The following RCC1 variants were observed in gnomAD, a reference collection of about 807,000 sequenced individuals.
RCC1 encodes the protein regulator of chromosome condensation 1, also known as regulator of chromosome condensation.
Under a neutral mutation model 44.4 loss-of-function variants are expected in RCC1, and 11 were observed. That is an observed-to-expected ratio of 0.25 (90% confidence interval 0.16 to 0.41). The LOEUF is 0.41. RCC1 is among the 10% of genes least tolerant of loss of function. The pLI is 1.00. For missense variants in RCC1, 386 were observed against 547.1 expected, an observed-to-expected ratio of 0.71 and a Z score of 2.94; for synonymous variants, 213 against 216.5, an observed-to-expected ratio of 0.98 and a Z score of 0.14.
At chr1:28,506,117 G>A (rs760722803) in intron 1 of RCC1, 33 bp downstream of exon 1, 3 of 455,036 alleles carry the variant, frequency 6.6e-6, no homozygotes, top group South Asian at 1.6e-5. Context: ...GTGATCAGAT[G>A]CTTGCCACCG....
chr1:28,532,493 A>G (rs1303995095), intron 7 of RCC1, 143 bp downstream of exon 7: 1 of 851,814 alleles, frequency 1.2e-6, no homozygotes, highest in Non-Finnish European at 1.8e-6. Flanking sequence ...GCCCAGACCC[A>G]GGACTCTAGC....
At chr1:28,530,311 C>T (rs1664049208) in intron 5 of RCC1, among the ~76,000 whole-genome samples, 1 of 152,250 alleles carries the variant, frequency 6.6e-6, no homozygotes, top group Non-Finnish European at 1.5e-5. Flanking sequence ...TTTGGATTAT[C>T]AACTTCTTAA....
intron 9 of RCC1, 79 bp from the exon 10 acceptor site, chr1:28,535,792 G>A: frequency 6.7e-7 from 1 of 1,484,682 alleles, no homozygotes; most frequent in African/African-American, 1.4e-5. Context: ...CTTTTATAAT[G>A]GAGGAGAATT....
In RCC1 at chr1:28,536,118, C is replaced by T. The variant is rs185597498; in HGVS notation, c.817+92C>T. Reference sequence around the variant, plus strand: ...ATTCATTGTGCATCCTTTGCGGGGTCGTCTAACCCCTCCAAGCCAGTTTTG... The same window carrying T: ...ATTCATTGTGCATCCTTTGCGGGGTTGTCTAACCCCTCCAAGCCAGTTTTG... On this transcript the variant is annotated intron_variant, in intron 10 of 12. Coordinates refer to ENST00000683442, the MANE Select transcript of RCC1 (RefSeq NM_001381865.2). The surrounding 1 kb of genome is among the most constrained non-coding windows in gnomAD (Gnocchi z 4.9). The T allele has an allele frequency of 4.9e-5, 75 of 1,538,354 alleles. No homozygotes were observed. In the South Asian group the frequency reaches 7.7e-4, roughly 16 times the overall value.
Position 28,531,829 on chromosome 1 carries a change from C to G in RCC1, c.100C>G (p.Pro34Ala). 3 of 1,562,978 alleles carry G rather than the reference C, an allele frequency of 1.9e-6. No homozygotes were observed. Among genetic ancestry groups the G allele is most frequent in the Non-Finnish European group, 2.6e-6 (3 of 1,158,602 alleles). Reference protein sequence around the residue: ...KVSHRSHSTEPGLVLTLGQGD... With the variant: ...KVSHRSHSTEAGLVLTLGQGD... ...CTCACACAGGTCCCACAGCACAGAACCCGGCTTGGTGCTGACACTAGGCCA... is the reference window on the plus strand; with the variant it reads ...CTCACACAGGTCCCACAGCACAGAAGCCGGCTTGGTGCTGACACTAGGCCA... The change falls in exon 6 of 13, where the codon CCC (proline) becomes GCC (alanine). Residue 34 changes from proline (P) to alanine (A), a missense_variant. Coordinates refer to ENST00000683442, the MANE Select transcript of RCC1 (RefSeq NM_001381865.2).
At position 28,535,074 on chromosome 1, in the gene RCC1, T is replaced by C. The variant is rs1022676094; in HGVS notation, c.466T>C (p.Leu156=). 2.5e-6 allele frequency: 4 copies of C among 1,613,946 alleles called. No homozygotes were observed. Among genetic ancestry groups the C allele is most frequent in the African/African-American group, 1.3e-5 (1 of 74,902 alleles). ...FRDNNGVIGL[L]EPMKKSMVPV... is the part of the protein sequence containing the mutation. ...GGACAATAACGGTGTGATTGGACTG[T>C]TGGAGCCCATGAAGAAGAGCATGGT... The change falls in exon 8 of 13, where the codon TTG becomes CTG. Residue 156 remains leucine, a synonymous_variant. Transcript: ENST00000683442.
chr1:28,513,072 CTCTT>C (rs920872012), intron 3 of RCC1, among the ~76,000 whole-genome samples: 1 of 150,638 alleles, frequency 6.6e-6, no homozygotes, highest in African/African-American at 2.5e-5. Context: ...CGCGCCCAGC[CTCTT>C]TTTTTTTTTT....
At position 28,511,754 on chromosome 1, in the gene RCC1, G is replaced by A. The variant is rs568518155; in HGVS notation, c.-153+2849G>A. Among the ~76,000 whole-genome samples the A allele has an allele frequency of 1.0e-4, 15 of 148,812 alleles. No individual in the cohort carries two copies. The South Asian group carries it at 1.1e-3, about 11-fold the overall frequency. ...TGGCTTGCTGCAACCTCCACCTCCC[G>A]GGTTCCAGCAATTCTCCCACCTCAG... On this transcript the variant is annotated intron_variant, in intron 3 of 12. Coordinates refer to ENST00000683442, the MANE Select transcript of RCC1 (RefSeq NM_001381865.2).
rs747986079 is a variant in RCC1, at chr1:28,529,902, C to G, written c.36C>G (p.Pro12=). ...SPKRIAKRRS[P]PADAIPKSKK... is the part of the protein sequence containing the mutation. ...AGCGCATAGCTAAAAGAAGGTCCCC[C>G]CCAGCAGATGCCATCCCCAAAAGCA... is the stretch of plus-strand genomic sequence containing the variant. Residue 12 remains proline, a synonymous_variant, in exon 5 of 13, where the codon CCC becomes CCG. Transcript: ENST00000683442. 6.2e-7 allele frequency: 1 copy of G among 1,614,028 alleles called. No individual in the cohort carries two copies. The highest frequency in any genetic ancestry group is 1.1e-5 in the South Asian group (1 of 91,068).
intron 3 of RCC1, chr1:28,509,378 A>G (rs956000380): frequency 1.2e-5 from 2 of 168,930 alleles, no homozygotes; most frequent in South Asian, 2.8e-4. Flanking sequence ...AGTAGCTGCG[A>G]CTACAGGCGT....
intron 2 of RCC1, 181 bp from the exon 3 acceptor site, chr1:28,508,649 C>T (rs748786867): frequency 9.6e-6 from 5 of 518,976 alleles, no homozygotes; most frequent in Admixed American, 7.8e-5. Context: ...TGTACAGTCC[C>T]TTTCCACAAC....
At position 28,514,965 on chromosome 1, in the gene RCC1, A is replaced by G. The variant is rs546566471; in HGVS notation, c.-152-1760A>G. 2.0e-5 allele frequency among the ~76,000 whole-genome samples: 3 copies of G among 152,304 alleles called. No homozygotes were observed. The South Asian group carries it at 6.2e-4, about 32-fold the overall frequency. On this transcript the variant is annotated intron_variant, in intron 3 of 12. Coordinates refer to ENST00000683442, the MANE Select transcript of RCC1 (RefSeq NM_001381865.2). Reference sequence around the variant, plus strand: ...CTTTTATATATGTTATAAAACCCACAGTACATTATTACAGCCAGAACCTCC... The same window carrying G: ...CTTTTATATATGTTATAAAACCCACGGTACATTATTACAGCCAGAACCTCC...
chr1:28,531,458 G>A (rs371318919), intron 5 of RCC1, among the ~76,000 whole-genome samples: 25 of 151,676 alleles, frequency 1.6e-4, no homozygotes, highest in African/African-American at 5.1e-4. Context: ...CAAGTGATCC[G>A]CCCGCCTTGG....
At chr1:28,535,553 C>T (rs1031665533) in intron 9 of RCC1, 173 bp downstream of exon 9, 1 of 992,936 alleles carries the variant, frequency 1.0e-6, no homozygotes, top group African/African-American at 1.6e-5. Flanking sequence ...GTCTATGGGA[C>T]TCTGAACATA....
intron 2 of RCC1, 30 bp downstream of exon 2, chr1:28,508,190 T>A (rs1662181178): frequency 4.6e-6 from 2 of 434,808 alleles, no homozygotes; most frequent in Non-Finnish European, 9.4e-6. Flanking sequence ...GTTTTTTGCT[T>A]ATCAGCTCTT....
rs2066726 is a variant in RCC1, at chr1:28,535,124, G to A, written c.516G>A (p.Val172=). 447,365 of 1,613,496 alleles carry A rather than the reference G, an allele frequency of 0.28. 63,750 individuals carry two copies. Among genetic ancestry groups the A allele is most frequent in the Middle Eastern group, 0.3 (1,832 of 6,058 alleles). The change falls in exon 8 of 13, where the codon GTG becomes GTA. Residue 172 remains valine, a synonymous_variant. Coordinates refer to ENST00000683442, the MANE Select transcript of RCC1 (RefSeq NM_001381865.2). Reference sequence around the variant, plus strand: ...TGCCTGTGCAGGTGCAGCTGGATGTGCCTGTGGTAAAGGTGGCCTCAGGTG... The same window carrying A: ...TGCCTGTGCAGGTGCAGCTGGATGTACCTGTGGTAAAGGTGGCCTCAGGTG... ...SMVPVQVQLD[V]PVVKVASGND...
chr1:28,535,720 C>A, intron 9 of RCC1, 151 bp from the exon 10 acceptor site: 1 of 899,392 alleles, frequency 1.1e-6, no homozygotes. Flanking sequence ...CTTGTATTCT[C>A]TTGATCTCAG....
At chr1:28,526,394 G>A (rs1367267093) in intron 4 of RCC1, 3 of 430,766 alleles carry the variant, frequency 7.0e-6, no homozygotes, top group Admixed American at 5.4e-5. Flanking sequence ...ACAGCACACC[G>A]AAGTCTCGAG....
At position 28,511,975 on chromosome 1, in the gene RCC1, C is replaced by CTTTTTTTT; in HGVS notation, c.-153+3070_-153+3071insTTTTTTTT. 1.6e-5 allele frequency among the ~76,000 whole-genome samples: 2 copies of CTTTTTTTT among 122,650 alleles called. 1 individual carries two copies. The highest frequency in any genetic ancestry group is 7.2e-5 in the African/African-American group (2 of 27,904). 80.5% of individuals were successfully genotyped at this position (122,650 alleles called of 152,430 possible). On this transcript the variant is annotated intron_variant, in intron 3 of 12. Coordinates refer to ENST00000683442, the MANE Select transcript of RCC1 (RefSeq NM_001381865.2). ...CACTGCGCCTAGCCTCAAGCCTGATCCTTTTTTTTTTTTTTTTTTTTGAGA... is the reference window on the plus strand; with the variant it reads ...CACTGCGCCTAGCCTCAAGCCTGATCTTTTTTTTCTTTTTTTTTTTTTTTTTTTTGAGA...
Sources: gnomAD v4.1 joint callset for allele counts (sites outside exome capture counted in the v4.1 genomes callset) on GRCh38, gnomAD v4.1.1 for gene constraint, Gnocchi (gnomAD v3.1) non-coding constraint, MANE v1.5 for transcripts, NCBI Gene and HGNC (gene_info 2026-07-23, HGNC 2026-07-21) for gene names.